WWOX: variants seen among roughly 807,000 people sequenced by gnomAD.
WWOX encodes the protein WW domain containing oxidoreductase.
Under a neutral mutation model 46.2 loss-of-function variants are expected in WWOX, and 69 were observed. The ratio of observed to expected loss-of-function variants is 1.49; its 90% CI spans 1.23 to 1.82. The LOEUF is 1.82. Among genes scored for constraint, WWOX ranks in the 40% most tolerant of loss-of-function variants. WWOX has a pLI of 0.00. For synonymous variants in WWOX, 359 were observed against 202.6 expected, an observed-to-expected ratio of 1.77 and a Z score of -6.56; for missense variants, 919 against 542.6, an observed-to-expected ratio of 1.69 and a Z score of -6.89.
intron 8 of WWOX, among the ~76,000 whole-genome samples, chr16:79,133,321 C>T (rs569689693): frequency 6.6e-6 from 1 of 152,334 alleles, no homozygotes; most frequent in South Asian, 2.1e-4. Flanking sequence ...CAATTTTCCA[C>T]CTTGCCAAAT....
chr16:78,458,020 T>C (rs959125799), intron 8 of WWOX, among the ~76,000 whole-genome samples: 4 of 150,756 alleles, frequency 2.7e-5, no homozygotes, highest in Non-Finnish European at 5.9e-5. Context: ...GAGGTTGCAG[T>C]GAGCCAAGAT....
chr16:78,672,799 A>T (rs1033831938), intron 8 of WWOX, among the ~76,000 whole-genome samples: 1 of 152,186 alleles, frequency 6.6e-6, no homozygotes, highest in South Asian at 2.1e-4. Context: ...TGAGTTTCCA[A>T]TGATAACAGC....
intron 7 of WWOX, among the ~76,000 whole-genome samples, chr16:78,427,758 A>G (rs1399788337): frequency 6.6e-6 from 1 of 152,094 alleles, no homozygotes; most frequent in African/African-American, 2.4e-5. Flanking sequence ...AGCCTGGGTG[A>G]CAGAGTGAGA....
At chr16:79,149,209 C>G (rs1214177028) in intron 8 of WWOX, among the ~76,000 whole-genome samples, 3 of 152,180 alleles carry the variant, frequency 2.0e-5, no homozygotes, top group South Asian at 4.1e-4. Flanking sequence ...TGATTCTTCT[C>G]AATTCCTAAA....
chr16:78,706,614 G>A (rs770177634), intron 8 of WWOX, among the ~76,000 whole-genome samples: 2 of 152,162 alleles, frequency 1.3e-5, no homozygotes, highest in Non-Finnish European at 2.9e-5. Flanking sequence ...TTGGTCCCAA[G>A]AAAATAGTTT....
At chr16:78,225,942 C>G (rs961033574) in intron 5 of WWOX, among the ~76,000 whole-genome samples, 15 of 152,122 alleles carry the variant, frequency 9.9e-5, no homozygotes, top group Non-Finnish European at 1.3e-4. Context: ...TCACTCAGGA[C>G]TTTAAAAATA....
intron 1 of WWOX, among the ~76,000 whole-genome samples, chr16:78,101,719 C>T (rs1451220735): frequency 6.6e-6 from 1 of 152,156 alleles, no homozygotes; most frequent in Non-Finnish European, 1.5e-5. Context: ...GGATGTGAAC[C>T]ACTGCTGCCT....
chr16:78,684,923 G>C (rs1029681283), intron 8 of WWOX, among the ~76,000 whole-genome samples: 5 of 152,184 alleles, frequency 3.3e-5, no homozygotes, highest in Non-Finnish European at 7.4e-5. Context: ...AGAAACTAGT[G>C]AACACATGTT....
intron 6 of WWOX, among the ~76,000 whole-genome samples, chr16:78,396,335 T>C (rs999451943): frequency 3.3e-5 from 5 of 152,142 alleles, no homozygotes; most frequent in Admixed American, 3.3e-4. Flanking sequence ...CTTTTTGCCA[T>C]ATTAAAAGTC....
chr16:78,325,326 C>T (rs2080587821), intron 5 of WWOX, among the ~76,000 whole-genome samples: 1 of 152,278 alleles, frequency 6.6e-6, no homozygotes, highest in East Asian at 1.9e-4. Context: ...TATTTTGAAG[C>T]AATGTTTCAT....
chr16:78,943,697 G>A (rs7186788), intron 8 of WWOX, among the ~76,000 whole-genome samples: 1,707 of 152,240 alleles, frequency 0.011, 29 homozygotes, highest in African/African-American at 0.039. Flanking sequence ...CAGGGTGTGC[G>A]ATTGCAGGGA....
In WWOX at chr16:78,424,990, C is replaced by A. The variant is rs765582297; in HGVS notation, c.726C>A (p.Leu242=). 4.3e-6 allele frequency: 7 copies of A among 1,614,054 alleles called. No individual in the cohort carries two copies. The South Asian group carries it at 7.7e-5, about 18-fold the overall frequency. The change falls in exon 7 of 9, where the codon CTC becomes CTA. Residue 242 remains leucine, a synonymous_variant. Coordinates refer to ENST00000566780, the MANE Select transcript of WWOX (RefSeq NM_016373.4). ...NHLGHFYLVQ[L]LQDVLCRSAP... Reference sequence around the variant, plus strand: ...TGGGGCACTTCTACCTTGTCCAGCTCCTCCAGGATGTTTTGTGCCGCTCAG... The same window carrying A: ...TGGGGCACTTCTACCTTGTCCAGCTACTCCAGGATGTTTTGTGCCGCTCAG...
chr16:78,632,405 C>A (rs147417881), intron 8 of WWOX, among the ~76,000 whole-genome samples: 333 of 152,058 alleles, frequency 2.2e-3, no homozygotes, highest in African/African-American at 7.6e-3. Context: ...TGAGTCCTTT[C>A]TTTTGGGCTT....
At chr16:78,621,444 C>G (rs1342281227) in intron 8 of WWOX, among the ~76,000 whole-genome samples, 1 of 151,898 alleles carries the variant, frequency 6.6e-6, no homozygotes, top group South Asian at 2.1e-4. Context: ...CTTGGAGTTG[C>G]TTATTCTTTT....
chr16:78,527,562 G>A (rs953603634), intron 8 of WWOX, among the ~76,000 whole-genome samples: 3 of 152,102 alleles, frequency 2.0e-5, no homozygotes, highest in Admixed American at 2.0e-4. Context: ...CCAAAGTGCT[G>A]GGATTACAGG....
chr16:79,090,643 C>G (rs964029623), intron 8 of WWOX, among the ~76,000 whole-genome samples: 5 of 152,214 alleles, frequency 3.3e-5, no homozygotes, highest in South Asian at 2.1e-4. Context: ...TGGACAGATT[C>G]CTGTCCGAAG....
At chr16:78,868,134 C>T (rs549387243) in intron 8 of WWOX, among the ~76,000 whole-genome samples, 6 of 152,118 alleles carry the variant, frequency 3.9e-5, no homozygotes, top group Non-Finnish European at 8.8e-5. Flanking sequence ...CCCAAATGTC[C>T]ATTAGCTGGG....
At chr16:78,910,010 A>G (rs1025621883) in intron 8 of WWOX, among the ~76,000 whole-genome samples, 1 of 152,240 alleles carries the variant, frequency 6.6e-6, no homozygotes, top group Non-Finnish European at 1.5e-5. Context: ...AAATTTTTGC[A>G]AAGTATAATT....
chr16:78,199,983 C>T (rs892709297), intron 5 of WWOX, among the ~76,000 whole-genome samples: 3 of 152,190 alleles, frequency 2.0e-5, no homozygotes, highest in Non-Finnish European at 2.9e-5. Context: ...CAAAGGTGAT[C>T]GCTTCAGTAG....
Sources: gnomAD v4.1 joint callset for allele counts (sites outside exome capture counted in the v4.1 genomes callset) on GRCh38, gnomAD v4.1.1 for gene constraint, MANE v1.5 for transcripts, NCBI Gene and HGNC (gene_info 2026-07-23, HGNC 2026-07-21) for gene names.